Variants in PAK3 observed in about 807,000 individuals in gnomAD.
PAK3 encodes serine/threonine-protein kinase PAK 3.
PAK3 carries 4 observed loss-of-function variants against 41.0 expected under a neutral mutation model. That is an observed-to-expected ratio of 0.10 (90% confidence interval 0.05 to 0.22). PAK3 has a LOEUF of 0.22. Ranked by LOEUF, PAK3 falls within the 10% of genes least tolerant of loss-of-function variation. The pLI is 1.00. For missense variants in PAK3, 205 were observed against 409.9 expected, an observed-to-expected ratio of 0.50 and a Z score of 4.32; for synonymous variants, 146 against 139.6, an observed-to-expected ratio of 1.05 and a Z score of -0.32.
chrX:111,161,418 C>G (rs2094186322), intron 8 of PAK3, among the ~76,000 whole-genome samples: 1 of 110,892 alleles, frequency 9.0e-6, no homozygotes, highest in Admixed American at 9.6e-5. Context: ...CTGTAGGTTG[C>G]CTGTTCATTC....
In PAK3 at chrX:111,196,434, T is replaced by C; in HGVS notation, c.1211-10T>C. 8.3e-7 allele frequency: 1 copy of C among 1,202,558 alleles called. No individual in the cohort carries two copies. Among genetic ancestry groups the C allele is most frequent in the Non-Finnish European group, 1.1e-6 (1 of 886,851 alleles). ...TTGGGCTTATTTTAACTGGCTTTTC[T>C]TCTCTGCAGCTGACTTTGGGTTCTG... On this transcript the variant is annotated splice_polypyrimidine_tract_variant and intron_variant, in intron 15 of 17. Coordinates refer to ENST00000372007, the MANE Select transcript of PAK3 (RefSeq NM_002578.5).
intron 1 of PAK3, among the ~76,000 whole-genome samples, chrX:110,947,189 A>C (rs1407989146): frequency 8.9e-6 from 1 of 111,867 alleles, no homozygotes; most frequent in Non-Finnish European, 1.9e-5. Flanking sequence ...CTCCCCTTAA[A>C]TGAAGACCAA....
intron 7 of PAK3, 94 bp downstream of exon 7, chrX:111,147,984 G>A (rs984833882): frequency 2.0e-5 from 15 of 744,697 alleles, no homozygotes; most frequent in Admixed American, 9.6e-5. Flanking sequence ...ATTTGAAATC[G>A]ATTCTAGTAC....
chrX:111,208,442 T>C (rs1401509165), intron 16 of PAK3, among the ~76,000 whole-genome samples: 1 of 112,252 alleles, frequency 8.9e-6, no homozygotes, highest in Non-Finnish European at 1.9e-5. Context: ...CTTCTAGTGC[T>C]GCAAGCTCCA....
At chrX:111,082,724 A>C (rs893109666) in intron 1 of PAK3, among the ~76,000 whole-genome samples, 1 of 112,186 alleles carries the variant, frequency 8.9e-6, no homozygotes, top group East Asian at 2.8e-4. Flanking sequence ...CTGGCTAAGC[A>C]TGGGGAAATG....
Position 111,010,714 on chromosome X carries a change from A to C in PAK3, c.-28+66086A>C, listed in dbSNP as rs1371274572. ...TGATTGTAAGTTTCCTGAAGCCCTC[A>C]CCAGAATCCAAGCAGATGTTGGTGC... On this transcript the variant is annotated intron_variant, in intron 1 of 14. Coordinates refer to the PAK3 transcript ENST00000425146. Among the ~76,000 whole-genome samples, 3 of 111,512 alleles carry C rather than the reference A, an allele frequency of 2.7e-5. No individual in the cohort carries two copies. The East Asian group carries it at 8.5e-4, about 32-fold the overall frequency.
At chrX:111,139,653 G>A (rs2093844086) in intron 5 of PAK3, among the ~76,000 whole-genome samples, 1 of 112,083 alleles carries the variant, frequency 8.9e-6, no homozygotes, top group Non-Finnish European at 1.9e-5. Flanking sequence ...AGGCTGATAA[G>A]GCATTGGCAG....
At chrX:110,987,429 C>T (rs1294815340) in intron 1 of PAK3, among the ~76,000 whole-genome samples, 1 of 111,180 alleles carries the variant, frequency 9.0e-6, no homozygotes, top group Non-Finnish European at 1.9e-5. Context: ...GGGAACTAGA[C>T]CTAAAATGTG....
chrX:111,008,218 C>A (rs1326717527), intron 1 of PAK3, among the ~76,000 whole-genome samples: 2 of 112,304 alleles, frequency 1.8e-5, no homozygotes, highest in African/African-American at 6.5e-5. Flanking sequence ...CCTCTCTGAG[C>A]CTCAGTTCCG....
intron 1 of PAK3, among the ~76,000 whole-genome samples, chrX:110,983,048 G>T (rs1008538027): frequency 4.5e-5 from 5 of 111,181 alleles, no homozygotes; most frequent in African/African-American, 1.6e-4. Flanking sequence ...AGCTTCACCT[G>T]CTGGCACTGA....
At chrX:111,048,517 T>A (rs1170614935) in intron 1 of PAK3, among the ~76,000 whole-genome samples, 7 of 111,629 alleles carry the variant, frequency 6.3e-5, no homozygotes, top group African/African-American at 2.0e-4. Flanking sequence ...ACCCTCTTGA[T>A]CTGTGCACTT....
intron 1 of PAK3, among the ~76,000 whole-genome samples, chrX:110,993,064 A>T (rs2091678579): frequency 8.9e-6 from 1 of 111,785 alleles, no homozygotes; most frequent in African/African-American, 3.3e-5. Context: ...CTAAAATTGA[A>T]CAGGAGACGG....
chrX:111,037,399 G>T (rs1330612982), intron 1 of PAK3, among the ~76,000 whole-genome samples: 2 of 111,872 alleles, frequency 1.8e-5, no homozygotes, highest in Non-Finnish European at 3.8e-5. Flanking sequence ...TGTTTGGGTT[G>T]GTGTGAATGG....
rs1053883825 is a variant in PAK3 at position 111,222,432 on chromosome X, A to G, written c.*1985A>G. 1 of 112,156 alleles carries G rather than the reference A, an allele frequency of 8.9e-6. No individual in the cohort carries two copies. Among genetic ancestry groups the G allele is most frequent in the East Asian group, 2.8e-4 (1 of 3,588 alleles). 9.2% of individuals were successfully genotyped at this position (112,156 alleles called of 1,213,427 possible). A position where few individuals can be genotyped will look rare whatever the true frequency, so the allele number is the denominator to read the frequency against. On this transcript the variant is annotated 3_prime_UTR_variant, in exon 18 of 18. Coordinates refer to ENST00000372007, the MANE Select transcript of PAK3 (RefSeq NM_002578.5). ...ACCTCCTCCCCTTGAAAATGTCCACAGTGGGATAAAACAACAAATGTGAAA... is the reference window on the plus strand; with the variant it reads ...ACCTCCTCCCCTTGAAAATGTCCACGGTGGGATAAAACAACAAATGTGAAA...
At chrX:111,076,503 G>C (rs756860126) in intron 1 of PAK3, among the ~76,000 whole-genome samples, 5 of 111,810 alleles carry the variant, frequency 4.5e-5, no homozygotes, top group Non-Finnish European at 7.5e-5. Context: ...TTTGCCTTCT[G>C]CCATGATTGT....
intron 1 of PAK3, among the ~76,000 whole-genome samples, chrX:110,994,352 G>A (rs1484223654): frequency 1.8e-5 from 2 of 111,843 alleles, no homozygotes; most frequent in Admixed American, 9.5e-5. Flanking sequence ...ACTTTCGAGT[G>A]TGTTTAAGGC....
chrX:111,045,978 CTTCTCATTTACTGATCTAAG>C (rs748396740), intron 1 of PAK3, among the ~76,000 whole-genome samples: 8 of 111,648 alleles, frequency 7.2e-5, no homozygotes, highest in Non-Finnish European at 3.8e-5. Context: ...GTAACCTAGC[CTTCTCATTTACTGATCTAAG>C]TTTCACTCTG....
intron 1 of PAK3, among the ~76,000 whole-genome samples, chrX:110,988,733 T>G (rs2091591123): frequency 8.9e-6 from 1 of 111,941 alleles, no homozygotes; most frequent in South Asian, 3.8e-4. Flanking sequence ...ACAGAGTTGG[T>G]GGTTCTCTAA....
intron 1 of PAK3, among the ~76,000 whole-genome samples, chrX:111,012,866 T>C (rs187622427): frequency 1.4e-3 from 156 of 111,967 alleles, no homozygotes; most frequent in Middle Eastern, 9.2e-3. Flanking sequence ...CACTGCAGCC[T>C]TCACTTTCCT....
Sources: gnomAD v4.1 joint callset for allele counts (sites outside exome capture counted in the v4.1 genomes callset) on GRCh38, gnomAD v4.1.1 for gene constraint, MANE v1.5 for transcripts, NCBI Gene and HGNC (gene_info 2026-07-23, HGNC 2026-07-21) for gene names.